MAP7: variants seen among roughly 807,000 people sequenced by gnomAD.
The protein encoded by MAP7 is ensconsin.
In MAP7, 52 loss-of-function variants were observed where a neutral mutation model predicts 94.8. That is an observed-to-expected ratio of 0.55 (90% CI 0.44 to 0.69). The LOEUF (loss-of-function observed/expected upper bound fraction) is 0.69. Among genes scored for constraint, MAP7 ranks in the 30% least tolerant of loss-of-function variants. The probability of loss-of-function intolerance (pLI) is 0.00; values close to 1 mark genes in which losing one functional copy is unlikely to be tolerated. For missense variants in MAP7, 940 were observed against 964.6 expected (o/e 0.97, Z 0.34); for synonymous variants, 350 against 357.0 (o/e 0.98, Z 0.22).
intron 8 of MAP7, among the ~76,000 whole-genome samples, chr6:136,371,986 T>G (rs780342423): frequency 1.8e-4 from 28 of 152,334 alleles, no homozygotes; most frequent in Non-Finnish European, 2.5e-4. Context: ...TTCAAAATAC[T>G]TTTTTGACTA....
At chr6:136,503,469 G>T (rs1373926727) in intron 1 of MAP7, among the ~76,000 whole-genome samples, 1 of 152,130 alleles carries the variant, frequency 6.6e-6, no homozygotes, top group Non-Finnish European at 1.5e-5. Context: ...CATGTCAATG[G>T]AGATGATAAT....
Position 136,531,015 on chromosome 6 carries a change from A to T in MAP7, c.67+19327T>A, listed in dbSNP as rs546497700. Among the ~76,000 whole-genome samples, 7 of 144,952 alleles carry T rather than the reference A, an allele frequency of 4.8e-5. No homozygotes were observed. In the South Asian group the frequency reaches 1.5e-3, roughly 30 times the overall value. ...TCATTTATACAAATGTAAGGTGTGG[A>T]TACTAAGCTTTAAAACCCTTTCCTA... On this transcript the variant is annotated intron_variant, in intron 1 of 17. Transcript: ENST00000354570.
intron 1 of MAP7, among the ~76,000 whole-genome samples, chr6:136,546,555 C>T (rs1683418797): frequency 1.3e-5 from 2 of 152,150 alleles, no homozygotes; most frequent in Non-Finnish European, 2.9e-5. Context: ...AACTTCAGTG[C>T]TGTATCCAGT....
At chr6:136,414,879 A>T (rs1284519953) in intron 2 of MAP7, among the ~76,000 whole-genome samples, 1 of 147,354 alleles carries the variant, frequency 6.8e-6, no homozygotes, top group East Asian at 2.0e-4. Flanking sequence ...CAGTGGCGTG[A>T]TCTCAGCTCA....
intron 1 of MAP7, among the ~76,000 whole-genome samples, chr6:136,530,699 C>T (rs1366814377): frequency 6.9e-6 from 1 of 145,026 alleles, no homozygotes; most frequent in Non-Finnish European, 1.5e-5. Flanking sequence ...TCATGCATAG[C>T]ATAGAAGAGG....
At chr6:136,350,505 G>A (rs533506608) in intron 16 of MAP7, among the ~76,000 whole-genome samples, 30 of 152,208 alleles carry the variant, frequency 2.0e-4, no homozygotes, top group Non-Finnish European at 3.4e-4. Context: ...CTGCATCAAA[G>A]GGAATGTTTA....
At chr6:136,487,899 C>A (rs147897011) in intron 1 of MAP7, among the ~76,000 whole-genome samples, 13 of 152,128 alleles carry the variant, frequency 8.5e-5, no homozygotes, top group Admixed American at 6.6e-5. Flanking sequence ...GCACTTCATA[C>A]GCTAATATAC....
chr6:136,519,405 G>T (rs1353247251), intron 1 of MAP7, among the ~76,000 whole-genome samples: 1 of 152,130 alleles, frequency 6.6e-6, no homozygotes, highest in African/African-American at 2.4e-5. Context: ...AGACAATGGT[G>T]CAAGCCTTAC....
chr6:136,360,755 C>T lies in MAP7; in HGVS notation c.1745G>A (p.Arg582Gln), dbSNP rs748570656. Residue 582 changes from arginine to glutamine, a missense_variant, in exon 13 of 18, where the codon CGG (arginine) becomes CAG (glutamine). Physicochemically the swap from Arg to Gln is conservative, Grantham distance 43. Transcript: ENST00000354570. ...CTGGAAATGCTTCTCTCGTTCCTGCCGGACCCTCTCTGCTTCTTCACGAAC... is the reference window on the plus strand; with the variant it reads ...CTGGAAATGCTTCTCTCGTTCCTGCTGGACCCTCTCTGCTTCTTCACGAAC... Reference protein sequence around the residue: ...ARVREEAERVRQEREKHFQRE... With the variant: ...ARVREEAERVQQEREKHFQRE... 5.0e-6 allele frequency: 8 copies of T among 1,614,128 alleles called. 1 individual carries two copies. In the South Asian group the frequency reaches 6.6e-5, roughly 13 times the overall value.
At position 136,421,184 on chromosome 6, in the gene MAP7, T is replaced by C. The variant is rs117432232; in HGVS notation, c.166+517A>G. Among the ~76,000 whole-genome samples the C allele has an allele frequency of 2.0e-4, 31 of 152,358 alleles. No individual in the cohort carries two copies. In the East Asian group the frequency reaches 6.0e-3, roughly 29 times the overall value. On this transcript the variant is annotated intron_variant, in intron 2 of 17. Transcript: ENST00000354570. ...CAGAGGTTATTAAATGAAATTACTC[T>C]GTAGGCATATAATCATTGCAAGGAA... is the stretch of plus-strand genomic sequence containing the variant.
At chr6:136,356,391 C>T (rs544890500) in intron 16 of MAP7, among the ~76,000 whole-genome samples, 1 of 152,122 alleles carries the variant, frequency 6.6e-6, no homozygotes, top group African/African-American at 2.4e-5. Context: ...GTCTAGAACT[C>T]TCAGCCTTAA....
At chr6:136,350,153 T>C (rs1238871372) in intron 16 of MAP7, among the ~76,000 whole-genome samples, 1 of 152,192 alleles carries the variant, frequency 6.6e-6, no homozygotes, top group Non-Finnish European at 1.5e-5. Flanking sequence ...GCATGATCTG[T>C]CATGATGGAT....
intron 1 of MAP7, among the ~76,000 whole-genome samples, chr6:136,476,491 T>G (rs1810958796): frequency 6.6e-6 from 1 of 152,198 alleles, no homozygotes; most frequent in African/African-American, 2.4e-5. Flanking sequence ...ACTTCAAACA[T>G]TTTAACTCAT....
chr6:136,460,492 T>A (rs1463376670), intron 1 of MAP7, among the ~76,000 whole-genome samples: 2 of 152,216 alleles, frequency 1.3e-5, no homozygotes, highest in Non-Finnish European at 2.9e-5. Context: ...AACATTTTTG[T>A]CAGCTGAAAC....
intron 3 of MAP7, among the ~76,000 whole-genome samples, chr6:136,393,978 ATTTTTTTTTTT>A (rs1554242698): frequency 1.1e-4 from 4 of 36,204 alleles, no homozygotes; most frequent in Non-Finnish European, 2.9e-4. Flanking sequence ...CAGCAAAGGT[ATTTTTTTTTTT>A]TTTTTTTTTT....
intron 1 of MAP7, among the ~76,000 whole-genome samples, chr6:136,538,966 C>A (rs572466788): frequency 5.9e-5 from 9 of 152,168 alleles, no homozygotes; most frequent in African/African-American, 2.2e-4. Flanking sequence ...GATCCCAGTG[C>A]CAGCCTATGA....
chr6:136,520,924 G>A (rs994851264), intron 1 of MAP7, among the ~76,000 whole-genome samples: 1 of 152,218 alleles, frequency 6.6e-6, no homozygotes, highest in Non-Finnish European at 1.5e-5. Flanking sequence ...CAGCTGGTAG[G>A]TAGTCTAGGT....
At chr6:136,368,484 C>T (rs536191607) in intron 8 of MAP7, among the ~76,000 whole-genome samples, 12 of 152,268 alleles carry the variant, frequency 7.9e-5, no homozygotes, top group East Asian at 5.8e-4. Context: ...CCAACAGAGA[C>T]GATTCACTGA....
intron 10 of MAP7, among the ~76,000 whole-genome samples, chr6:136,365,359 T>C (rs774160382): frequency 6.6e-6 from 1 of 152,200 alleles, no homozygotes; most frequent in African/African-American, 2.4e-5. Context: ...ACTAGAGATA[T>C]TGAACTTCAA....
Sources: allele counts gnomAD v4.1 joint callset (sites outside exome capture counted in the v4.1 genomes callset), GRCh38; gene constraint gnomAD v4.1.1; transcripts MANE v1.5; gene names NCBI Gene and HGNC (gene_info 2026-07-23, HGNC 2026-07-21).